Variants in ZBBX observed in about 807,000 individuals in gnomAD.
ZBBX encodes zinc finger B-box domain containing.
In ZBBX, 101 loss-of-function variants were observed where a neutral mutation model predicts 108.5. The ratio of observed to expected loss-of-function variants is 0.93; its 90% CI spans 0.79 to 1.10. The LOEUF (loss-of-function observed/expected upper bound fraction) is 1.10. ZBBX is among the 50% of genes least tolerant of loss of function. ZBBX has a pLI of 0.00. For missense variants in ZBBX, 1,009 were observed against 941.4 expected, an observed-to-expected ratio of 1.07 and a Z score of -0.94; for synonymous variants, 356 against 323.4, an observed-to-expected ratio of 1.10 and a Z score of -1.08.
chr3:167,330,964 T>TCTCTCTCTCTCTCTCTCC (rs1310209358), intron 10 of ZBBX, among the ~76,000 whole-genome samples: 40 of 145,826 alleles, frequency 2.7e-4, no homozygotes, highest in African/African-American at 9.7e-4. Flanking sequence ...TCTCTCTCTC[T>TCTCTCTCTCTCTCTCTCC]CCCCCACTCC....
chr3:167,361,698 A>C (rs933741941), intron 6 of ZBBX, among the ~76,000 whole-genome samples: 2 of 152,206 alleles, frequency 1.3e-5, no homozygotes, highest in African/African-American at 2.4e-5. Context: ...AATAAGATTG[A>C]AATCATCAAT....
chr3:167,404,723 T>C lies in ZBBX; in HGVS notation c.-446+3003A>G, dbSNP rs1748529876. 3.3e-5 allele frequency among the ~76,000 whole-genome samples: 5 copies of C among 152,346 alleles called. No homozygotes were observed. In the South Asian group the frequency reaches 1.0e-3, roughly 32 times the overall value. ...AATTGGACTGACTTCAATTTCAGCA[T>C]TCCTCTGTCAATAATTAATAGAACA... On this transcript the variant is annotated intron_variant, in intron 1 of 21. Coordinates refer to the ZBBX transcript ENST00000455345.
rs1351925064 is a variant in ZBBX, at chr3:167,356,056, C to A, written c.432+3814G>T. Among the ~76,000 whole-genome samples the A allele has an allele frequency of 7.2e-5, 11 of 152,118 alleles. No individual in the cohort carries two copies. The East Asian group carries it at 1.9e-3, about 27-fold the overall frequency. ...CTACTTGTGTCATACTGTTCAAGTT[C>A]CATGGCTCAAGTGCTTACCACAGAG... On this transcript the variant is annotated intron_variant, in intron 8 of 21. Coordinates refer to ENST00000675490, the MANE Select transcript of ZBBX (RefSeq NM_001199201.2).
chr3:167,226,991 T>C, the ZBBX span, among the ~76,000 whole-genome samples: 1 of 151,800 alleles, frequency 6.6e-6, no homozygotes, highest in African/African-American at 2.4e-5. Flanking sequence ...ATATATGATA[T>C]GAGTTGTATC....
At chr3:167,298,250 C>T (rs961755988) in intron 18 of ZBBX, 55 bp downstream of exon 18, 2 of 1,378,184 alleles carry the variant, frequency 1.5e-6, no homozygotes, top group South Asian at 1.6e-5. Context: ...CAGAATTGCT[C>T]AGTATTTCCT....
Position 167,350,444 on chromosome 3 carries a change from C to A in ZBBX, c.504G>T (p.Lys168Asn), listed in dbSNP as rs1171524320. The A allele has an allele frequency of 1.8e-5, 28 of 1,595,774 alleles. No homozygotes were observed. Among genetic ancestry groups the A allele is most frequent in the Non-Finnish European group, 2.4e-5 (28 of 1,168,526 alleles). The change falls in exon 9 of 22, where the codon AAG (lysine) becomes AAT (asparagine). Residue 168 changes from lysine (K) to asparagine (N), a missense_variant. Lys to Asn is a moderately conservative substitution (Grantham distance 94). Coordinates refer to ENST00000675490, the MANE Select transcript of ZBBX (RefSeq NM_001199201.2). ...CCTGCAAAAGAGTTGTTCTGTGGAG[C>A]TTTAGTGCCCCTTTCTGGTGAACTT... ...FAKVHQKGAL[K>N]LHRTTLLQAK...
intron 13 of ZBBX, 127 bp downstream of exon 13, chr3:167,317,361 G>T: frequency 1.4e-6 from 1 of 725,268 alleles, no homozygotes; most frequent in African/African-American, 1.8e-5. Context: ...CATCTAAAGA[G>T]AAAAGATTAC....
In ZBBX at chr3:167,333,928, C is replaced by A; in HGVS notation, c.586G>T (p.Val196Phe). 6.2e-7 allele frequency: 1 copy of A among 1,611,564 alleles called. No individual in the cohort carries two copies. Among genetic ancestry groups the A allele is most frequent in the Non-Finnish European group, 8.5e-7 (1 of 1,178,524 alleles). ...TCCTCTTTGGGTTCATCTGGATTAA[C>A]ATCCTTTATAAACTGATGGGCAACA... ...LDVAHQFIKDVNPDEPKEENN... is the reference protein window; with the variant it reads ...LDVAHQFIKDFNPDEPKEENN... Residue 196 changes from valine to phenylalanine, a missense_variant, in exon 10 of 22, where the codon GTT (valine) becomes TTT (phenylalanine). Val to Phe is a conservative substitution (Grantham distance 50). Transcript: ENST00000675490.
rs1400788367 is a variant in ZBBX at position 167,348,734 on chromosome 3, A to T, written c.528+1686T>A. On this transcript the variant is annotated intron_variant, in intron 9 of 21. Coordinates refer to ENST00000675490, the MANE Select transcript of ZBBX (RefSeq NM_001199201.2). ...CCGAAGGAAGTTATACAAAAGAAAC[A>T]GTAAACATACTATATATATATGAAG... Among the ~76,000 whole-genome samples, 3 of 152,084 alleles carry T rather than the reference A, an allele frequency of 2.0e-5. No homozygotes were observed. In the East Asian group the frequency reaches 5.8e-4, roughly 29 times the overall value.
intron 20 of ZBBX, among the ~76,000 whole-genome samples, chr3:167,266,112 T>C (rs1375861630): frequency 6.6e-6 from 1 of 152,194 alleles, no homozygotes; most frequent in African/African-American, 2.4e-5. Context: ...TGTAGACAGT[T>C]GTTAAAATTT....
At chr3:167,259,870 T>G (rs1200421747) in intron 20 of ZBBX, among the ~76,000 whole-genome samples, 1 of 152,164 alleles carries the variant, frequency 6.6e-6, no homozygotes, top group Non-Finnish European at 1.5e-5. Context: ...AAAAATTTAT[T>G]GAGGCTCATT....
intron 16 of ZBBX, among the ~76,000 whole-genome samples, chr3:167,309,600 T>G (rs1734239639): frequency 6.6e-6 from 1 of 152,212 alleles, no homozygotes; most frequent in African/African-American, 2.4e-5. Flanking sequence ...AGGTCCAAGC[T>G]GTATCTTGGC....
At chr3:167,291,327 AAGGG>A (rs1730658257) in intron 18 of ZBBX, among the ~76,000 whole-genome samples, 1 of 152,080 alleles carries the variant, frequency 6.6e-6, no homozygotes, top group Non-Finnish European at 1.5e-5. Context: ...GTTACCGACA[AAGGG>A]AGGCCCATCA....
intron 9 of ZBBX, 24 bp downstream of exon 9, chr3:167,350,396 G>A (rs1324811613): frequency 6.5e-7 from 1 of 1,541,338 alleles, no homozygotes; most frequent in South Asian, 1.2e-5. Flanking sequence ...CACACTACAA[G>A]TAAATCATTT....
intron 20 of ZBBX, among the ~76,000 whole-genome samples, chr3:167,245,914 G>C (rs1450375187): frequency 1.3e-5 from 2 of 152,112 alleles, no homozygotes; most frequent in Non-Finnish European, 2.9e-5. Flanking sequence ...TTGATTTGAA[G>C]TAAAGGTTTC....
the ZBBX span, among the ~76,000 whole-genome samples, chr3:167,196,199 A>G: frequency 6.6e-6 from 1 of 152,230 alleles, no homozygotes; most frequent in African/African-American, 2.4e-5. Context: ...TCAAGAGAAC[A>G]GCCCTTTAGA....
At chr3:167,225,358 C>T in the ZBBX span, among the ~76,000 whole-genome samples, 4 of 151,866 alleles carry the variant, frequency 2.6e-5, no homozygotes, top group African/African-American at 9.7e-5. Context: ...TCTTCACCAT[C>T]ATCACGAATG....
the ZBBX span, among the ~76,000 whole-genome samples, chr3:167,214,119 C>A: frequency 6.6e-6 from 1 of 152,020 alleles, no homozygotes; most frequent in Non-Finnish European, 1.5e-5. Flanking sequence ...TGTAAAGCAA[C>A]CACGCAAGTA....
the ZBBX span, among the ~76,000 whole-genome samples, chr3:167,199,071 G>A: frequency 1.3e-5 from 2 of 152,144 alleles, no homozygotes; most frequent in African/African-American, 4.8e-5. Flanking sequence ...TGTTGGGTAG[G>A]TGATTTCAGG....
Sources: allele counts gnomAD v4.1 joint callset (sites outside exome capture counted in the v4.1 genomes callset), GRCh38; gene constraint gnomAD v4.1.1; transcripts MANE v1.5; gene names NCBI Gene and HGNC (gene_info 2026-07-23, HGNC 2026-07-21).